The following POLK variants were observed in gnomAD, a reference collection of about 807,000 sequenced individuals.
The protein encoded by POLK is DNA polymerase kappa.
In POLK, 76 loss-of-function variants were observed where a neutral mutation model predicts 94.0. That is an observed-to-expected ratio of 0.81 (90% CI 0.67 to 0.98). POLK has a LOEUF of 0.98. POLK is among the 50% of genes least tolerant of loss of function. The probability of loss-of-function intolerance (pLI) is 0.00; values close to 1 mark genes in which losing one functional copy is unlikely to be tolerated. For missense variants in POLK, 954 were observed against 1,010.1 expected (o/e 0.94, Z 0.75); for synonymous variants, 349 against 325.4 (o/e 1.07, Z -0.78).
chr5:75,516,604 A>G (rs977506108), intron 1 of POLK, among the ~76,000 whole-genome samples: 9 of 152,248 alleles, frequency 5.9e-5, no homozygotes, highest in South Asian at 2.1e-4. Context: ...GGTCAAGGGT[A>G]TAGAAAGCTG....
At chr5:75,511,048 T>C, upstream of POLK, 1 of 1,458,330 alleles carries the variant, frequency 6.9e-7, no homozygotes, top group Non-Finnish European at 9.0e-7. Context: ...CCCCACCGCC[T>C]CAGCGGATTG....
intron 2 of POLK, 105 bp from the exon 3 acceptor site, chr5:75,552,367 T>G: frequency 9.4e-7 from 1 of 1,058,706 alleles, no homozygotes; most frequent in Non-Finnish European, 1.3e-6. Flanking sequence ...AGTTTTAAAT[T>G]TAATCTTCTG....
intron 3 of POLK, among the ~76,000 whole-genome samples, chr5:75,556,050 T>C (rs1234811372): frequency 2.6e-5 from 4 of 152,230 alleles, no homozygotes; most frequent in Non-Finnish European, 5.9e-5. Context: ...GATAATATGG[T>C]AAAATAAAAA....
intron 3 of POLK, among the ~76,000 whole-genome samples, chr5:75,563,537 GC>G (rs1771103235): frequency 6.6e-6 from 1 of 152,128 alleles, no homozygotes; most frequent in Admixed American, 6.6e-5. Flanking sequence ...GGCATTTAGT[GC>G]TATAAATTTA....
chr5:75,540,097 A>G (rs1769662206), intron 1 of POLK, among the ~76,000 whole-genome samples: 2 of 152,230 alleles, frequency 1.3e-5, no homozygotes, highest in Non-Finnish European at 2.9e-5. Context: ...GCAGTTTGGC[A>G]AAGGGGACAA....
intron 1 of POLK, among the ~76,000 whole-genome samples, chr5:75,536,609 G>C (rs1287544179): frequency 6.6e-6 from 1 of 152,040 alleles, no homozygotes; most frequent in Non-Finnish European, 1.5e-5. Flanking sequence ...GGGGTGGGTG[G>C]AGGCACCCAC....
exon 15 of POLK, chr5:75,599,330 T>C (rs1277960002): frequency 1.3e-5 from 2 of 152,144 alleles, no homozygotes; most frequent in Non-Finnish European, 2.9e-5. Flanking sequence ...CTAAATCTTT[T>C]ATATTTTTGT....
At chr5:75,558,769 A>G (rs1770779269) in intron 3 of POLK, among the ~76,000 whole-genome samples, 1 of 152,198 alleles carries the variant, frequency 6.6e-6, no homozygotes, top group African/African-American at 2.4e-5. Context: ...AATTGATATT[A>G]ATCCTTAAGC....
At chr5:75,573,822 A>G in exon 5 of POLK, 1 of 1,613,496 alleles carries the variant, frequency 6.2e-7, no homozygotes, top group South Asian at 1.1e-5. Context: ...CCCACAACTT[A>G]TAATAGTGCC....
chr5:75,604,143 G>C (rs575723258), downstream of POLK, among the ~76,000 whole-genome samples: 142 of 152,280 alleles, frequency 9.3e-4, no homozygotes, highest in Non-Finnish European at 1.8e-3. Context: ...GTGGCTAAGG[G>C]CTGCTGTCAC....
chr5:75,537,558 T>C (rs991907463), intron 1 of POLK, among the ~76,000 whole-genome samples: 1 of 152,206 alleles, frequency 6.6e-6, no homozygotes, highest in Non-Finnish European at 1.5e-5. Flanking sequence ...GTGAGAGCAA[T>C]GCGCATGAGC....
chr5:75,560,223 G>T (rs1337220865), intron 3 of POLK, among the ~76,000 whole-genome samples: 1 of 152,158 alleles, frequency 6.6e-6, no homozygotes, highest in Non-Finnish European at 1.5e-5. Flanking sequence ...ATTATGACCA[G>T]TAAATGAGTT....
At chr5:75,580,457 G>T (rs1772135773) in intron 6 of POLK, 1 of 160,266 alleles carries the variant, frequency 6.2e-6, no homozygotes, top group Non-Finnish European at 1.3e-5. Context: ...ATATAAAGAG[G>T]CAATAACCAG....
intron 3 of POLK, among the ~76,000 whole-genome samples, chr5:75,559,523 GTTT>G (rs775525619): frequency 3.3e-4 from 18 of 54,668 alleles, no homozygotes; most frequent in African/African-American, 8.1e-4. Flanking sequence ...GTTTTGTTTT[GTTT>G]TTTTTTTTTT....
chr5:75,539,037 G>T (rs917455430), intron 1 of POLK, among the ~76,000 whole-genome samples: 1 of 152,214 alleles, frequency 6.6e-6, no homozygotes, highest in Non-Finnish European at 1.5e-5. Flanking sequence ...TTCCCAAAGT[G>T]CAGGGATTAC....
chr5:75,538,482 C>G (rs1183585106), intron 1 of POLK: 6 of 152,096 alleles, frequency 3.9e-5, no homozygotes, highest in African/African-American at 1.4e-4. Flanking sequence ...CATAAACCTT[C>G]CATTAGTGTT....
intron 1 of POLK, among the ~76,000 whole-genome samples, chr5:75,524,644 TG>T (rs1230767886): frequency 6.6e-6 from 1 of 151,936 alleles, no homozygotes. Flanking sequence ...CAATTACTTG[TG>T]GGGTCTGGAA....
At chr5:75,600,226 A>G (rs1400356986) in exon 15 of POLK, 1 of 152,198 alleles carries the variant, frequency 6.6e-6, no homozygotes, top group Non-Finnish European at 1.5e-5. Flanking sequence ...AGAAACATGA[A>G]AATATTCCCA....
upstream of POLK, chr5:75,510,985 C>G (rs1392989955): frequency 7.8e-7 from 1 of 1,282,486 alleles, no homozygotes; most frequent in African/African-American, 1.5e-5. Flanking sequence ...CTAGTCGCTG[C>G]AGCAACACTC....
Sources: gnomAD v4.1 joint callset for allele counts (sites outside exome capture counted in the v4.1 genomes callset) on GRCh38, gnomAD v4.1.1 for gene constraint, MANE v1.5 for transcripts, NCBI Gene and HGNC (gene_info 2026-07-23, HGNC 2026-07-21) for gene names.